The following FRMPD4 variants were observed in gnomAD, a reference collection of about 807,000 sequenced individuals.
FRMPD4 encodes FERM and PDZ domain-containing protein 4.
A neutral mutation model predicts 94.1 loss-of-function variants in FRMPD4; 22 were observed. The ratio of observed to expected loss-of-function variants is 0.23; its 90% CI spans 0.17 to 0.33. FRMPD4 has a LOEUF of 0.33. Ranked by LOEUF, FRMPD4 falls within the 10% of genes least tolerant of loss-of-function variation. The pLI is 1.00. For synonymous variants in FRMPD4, 631 were observed against 548.6 expected (o/e 1.15, Z -2.10); for missense variants, 1,111 against 1,339.9 (o/e 0.83, Z 2.67).
intron 1 of FRMPD4, among the ~76,000 whole-genome samples, chrX:12,441,715 G>A (rs1601946855): frequency 8.9e-6 from 1 of 112,313 alleles, no homozygotes; most frequent in Non-Finnish European, 1.9e-5. Context: ...GAATGGTGTA[G>A]TAGCAAAGTA....
intron 3 of FRMPD4, among the ~76,000 whole-genome samples, chrX:11,996,530 A>T: frequency 8.9e-6 from 1 of 112,602 alleles, no homozygotes; most frequent in East Asian, 2.8e-4. Flanking sequence ...AACATTTAAA[A>T]TATAAGCTGC....
chrX:12,458,738 T>G (rs2057361603), intron 1 of FRMPD4, among the ~76,000 whole-genome samples: 1 of 111,550 alleles, frequency 9.0e-6, no homozygotes, highest in Non-Finnish European at 1.9e-5. Context: ...GGAAACAGTC[T>G]CCACGACTTT....
intron 2 of FRMPD4, among the ~76,000 whole-genome samples, chrX:12,509,737 T>TA (rs202156318): frequency 4.1e-4 from 44 of 108,406 alleles, no homozygotes; most frequent in East Asian, 2.0e-3. Flanking sequence ...CCTATGGAAA[T>TA]AAAAAAAAAA....
At chrX:12,342,701 G>C (rs1267372885) in intron 1 of FRMPD4, among the ~76,000 whole-genome samples, 1 of 112,389 alleles carries the variant, frequency 8.9e-6, no homozygotes, top group African/African-American at 3.2e-5. Flanking sequence ...ACATAATGTG[G>C]TTAAAGGAGT....
intron 1 of FRMPD4, among the ~76,000 whole-genome samples, chrX:12,166,611 G>A (rs2056123366): frequency 9.0e-6 from 1 of 111,600 alleles, no homozygotes; most frequent in Admixed American, 9.5e-5. Context: ...GATTGGAATA[G>A]TTTCAGAAGG....
chrX:12,573,271 G>A (rs1423763394), intron 2 of FRMPD4, among the ~76,000 whole-genome samples: 1 of 112,251 alleles, frequency 8.9e-6, no homozygotes, highest in African/African-American at 3.2e-5. Context: ...AAGCACAACA[G>A]AGCTCTGCCT....
chrX:12,612,988 T>C (rs146920792), intron 3 of FRMPD4, among the ~76,000 whole-genome samples: 102 of 112,053 alleles, frequency 9.1e-4, no homozygotes, highest in African/African-American at 3.0e-3. Context: ...ATATGCCTCG[T>C]ATCTGGGTGG....
At chrX:12,528,569 C>T (rs1414383994) in intron 2 of FRMPD4, among the ~76,000 whole-genome samples, 3 of 110,755 alleles carry the variant, frequency 2.7e-5, no homozygotes, top group South Asian at 3.9e-4. Flanking sequence ...CCACCCACCT[C>T]GGCCTCCCAA....
At chrX:12,534,700 G>A (rs963286217) in intron 2 of FRMPD4, among the ~76,000 whole-genome samples, 3 of 112,621 alleles carry the variant, frequency 2.7e-5, no homozygotes, top group East Asian at 2.8e-4. Context: ...TGTAGCCCCC[G>A]TGTTCTGGCC....
At chrX:12,097,584 A>T (rs2055217305) in intron 3 of FRMPD4, among the ~76,000 whole-genome samples, 1 of 112,374 alleles carries the variant, frequency 8.9e-6, no homozygotes, top group African/African-American at 3.2e-5. Flanking sequence ...CCCTGCTTAC[A>T]CATCCAGGTC....
At chrX:11,950,396 T>TTTTG (rs202082733) in intron 3 of FRMPD4, among the ~76,000 whole-genome samples, 35,097 of 109,467 alleles carry the variant, frequency 0.32, 4,521 homozygotes, top group East Asian at 0.64. Context: ...TAGTTAACTT[T>TTTTG]TTTGTTTGTT....
chrX:12,302,460 A>ACT (rs1422234917), intron 1 of FRMPD4, among the ~76,000 whole-genome samples: 1 of 111,931 alleles, frequency 8.9e-6, no homozygotes, highest in East Asian at 2.8e-4. Context: ...ATATCTCAAT[A>ACT]CTCACAATCT....
chrX:12,026,302 A>C (rs1274545936), intron 3 of FRMPD4, among the ~76,000 whole-genome samples: 1 of 111,955 alleles, frequency 8.9e-6, no homozygotes, highest in Non-Finnish European at 1.9e-5. Context: ...CTTATTTAAT[A>C]CATTTTTATG....
At chrX:12,542,659 T>A (rs1297983240) in intron 2 of FRMPD4, among the ~76,000 whole-genome samples, 12 of 111,861 alleles carry the variant, frequency 1.1e-4, no homozygotes, top group Non-Finnish European at 1.9e-4. Context: ...ATGGCCATAC[T>A]GCCCAAGGTA....
intron 1 of FRMPD4, among the ~76,000 whole-genome samples, chrX:11,851,458 C>T (rs1421455109): frequency 9.0e-6 from 1 of 110,921 alleles, no homozygotes; most frequent in East Asian, 2.8e-4. Flanking sequence ...TTCCACGGCC[C>T]CTGAATGAGT....
chrX:12,321,322 T>C (rs1389777947), intron 1 of FRMPD4, among the ~76,000 whole-genome samples: 1 of 112,305 alleles, frequency 8.9e-6, no homozygotes, highest in Non-Finnish European at 1.9e-5. Flanking sequence ...GGTAGACGTA[T>C]ACAGATGGTC....
intron 3 of FRMPD4, among the ~76,000 whole-genome samples, chrX:11,995,499 A>T (rs772111904): frequency 3.6e-5 from 4 of 111,603 alleles, no homozygotes; most frequent in Non-Finnish European, 7.5e-5. Flanking sequence ...AATCTTCAAT[A>T]TTTCAGACTT....
intron 1 of FRMPD4, among the ~76,000 whole-genome samples, chrX:12,260,797 C>T (rs768334586): frequency 8.9e-6 from 1 of 111,940 alleles, no homozygotes; most frequent in Non-Finnish European, 1.9e-5. Flanking sequence ...AAATTTAGTT[C>T]TCCCAATAAA....
At chrX:11,918,581 G>A (rs985628942) in intron 3 of FRMPD4, among the ~76,000 whole-genome samples, 1 of 112,258 alleles carries the variant, frequency 8.9e-6, no homozygotes, top group Non-Finnish European at 1.9e-5. Flanking sequence ...TCCAGCCTGG[G>A]CAACGAGCAA....
Sources: gnomAD v4.1 joint callset for allele counts (sites outside exome capture counted in the v4.1 genomes callset) on GRCh38, gnomAD v4.1.1 for gene constraint, MANE v1.5 for transcripts, NCBI Gene and HGNC (gene_info 2026-07-23, HGNC 2026-07-21) for gene names.